ADGRV1: variants seen among roughly 807,000 people sequenced by gnomAD.
ADGRV1 encodes the protein adhesion G protein-coupled receptor V1.
A neutral mutation model predicts 596.2 loss-of-function variants in ADGRV1; 359 were observed. The ratio of observed to expected loss-of-function variants is 0.60; its 90% confidence interval spans 0.55 to 0.66. The LOEUF (loss-of-function observed/expected upper bound fraction) is 0.66. Among genes scored for constraint, ADGRV1 ranks in the 30% least tolerant of loss-of-function variants. The pLI, the probability that ADGRV1 is intolerant of heterozygous loss-of-function variation, is 0.00. For synonymous variants in ADGRV1, 2,681 were observed against 2,679.2 expected (o/e 1.00, Z -0.02); for missense variants, 7,274 against 7,575.6 (o/e 0.96, Z 1.48).
chr5:90,562,093 C>G (rs900578951), intron 1 of ADGRV1, among the ~76,000 whole-genome samples: 1 of 152,092 alleles, frequency 6.6e-6, no homozygotes, highest in African/African-American at 2.4e-5. Context: ...TAACTCCTGT[C>G]GAATCAGGGT....
intron 85 of ADGRV1, among the ~76,000 whole-genome samples, chr5:91,059,903 A>G (rs1221491620): frequency 1.3e-5 from 2 of 152,182 alleles, no homozygotes; most frequent in African/African-American, 4.8e-5. Context: ...ATACTAATTA[A>G]TAGTAACATC....
At chr5:90,693,722 G>T (rs1406639531) in intron 32 of ADGRV1, among the ~76,000 whole-genome samples, 168 bp from the exon 33 acceptor site, 1 of 152,194 alleles carries the variant, frequency 6.6e-6, no homozygotes, top group Non-Finnish European at 1.5e-5. Context: ...CCTCACAGGA[G>T]AAAACAAAAT....
chr5:90,723,401 G>A (rs2149788495), intron 45 of ADGRV1, among the ~76,000 whole-genome samples: 1 of 152,232 alleles, frequency 6.6e-6, no homozygotes, highest in African/African-American at 2.4e-5. Flanking sequence ...AAGCTGAGAT[G>A]GGATCCAAAA....
chr5:90,567,985 G>A (rs986703138), intron 1 of ADGRV1, among the ~76,000 whole-genome samples: 9 of 152,024 alleles, frequency 5.9e-5, no homozygotes, highest in Non-Finnish European at 1.2e-4. Flanking sequence ...TGATCCACCC[G>A]CCTCGGCCTC....
intron 84 of ADGRV1, among the ~76,000 whole-genome samples, chr5:90,971,631 CT>C (rs1779007467): frequency 6.6e-6 from 1 of 152,170 alleles, no homozygotes; most frequent in African/African-American, 2.4e-5. Flanking sequence ...AAATAAAATC[CT>C]TTACAGACAA....
At chr5:91,029,874 A>G (rs1205055677) in intron 85 of ADGRV1, among the ~76,000 whole-genome samples, 1 of 152,158 alleles carries the variant, frequency 6.6e-6, no homozygotes, top group East Asian at 1.9e-4. Context: ...AATCACCTAC[A>G]GTATTTCAAT....
chr5:90,696,407 C>T (rs1327455354), intron 33 of ADGRV1, among the ~76,000 whole-genome samples: 2 of 152,126 alleles, frequency 1.3e-5, no homozygotes, highest in Admixed American at 6.6e-5. Context: ...AAAGATGCAT[C>T]TCATTTAGGC....
intron 55 of ADGRV1, among the ~76,000 whole-genome samples, chr5:90,755,555 T>G (rs1244058381): frequency 6.6e-6 from 1 of 151,944 alleles, no homozygotes; most frequent in Non-Finnish European, 1.5e-5. Flanking sequence ...TATTATTCAT[T>G]TAATAGGACA....
At chr5:90,821,674 C>A (rs1267710525) in intron 75 of ADGRV1, among the ~76,000 whole-genome samples, 2 of 151,642 alleles carry the variant, frequency 1.3e-5, no homozygotes, top group African/African-American at 2.4e-5. Context: ...AATAGCCTGC[C>A]GTGTGAGGTG....
In ADGRV1 at chr5:90,625,174, T is replaced by G. The variant is rs1359255104; in HGVS notation, c.603T>G (p.Val201=). The part of the protein sequence containing the change: ...PNPPDEDLSP[V]KGNITFPPGR... ...CCCCTGATGAAGATTTGAGTCCAGTTAAAGGAAATATCACCTTTCCCCCTG... is the reference window on the plus strand; with the variant it reads ...CCCCTGATGAAGATTTGAGTCCAGTGAAAGGAAATATCACCTTTCCCCCTG... The change falls in exon 6 of 90, where the codon GTT becomes GTG. Residue 201 remains valine, a synonymous_variant. Coordinates refer to ENST00000405460, the MANE Select transcript of ADGRV1 (RefSeq NM_032119.4). 1 of 1,613,610 alleles carries G rather than the reference T, an allele frequency of 6.2e-7. No homozygotes were observed. Among genetic ancestry groups the G allele is most frequent in the Non-Finnish European group, 8.5e-7 (1 of 1,179,686 alleles).
intron 85 of ADGRV1, among the ~76,000 whole-genome samples, chr5:91,038,774 A>G (rs1785106471): frequency 6.6e-6 from 1 of 152,208 alleles, no homozygotes; most frequent in Admixed American, 6.5e-5. Flanking sequence ...CAGATAAAAG[A>G]TGAGCTGTAG....
In ADGRV1 at chr5:90,871,307, G is replaced by A. The variant is rs186016357; in HGVS notation, c.17856+7450G>A. On this transcript the variant is annotated intron_variant, in intron 83 of 89. Coordinates refer to ENST00000405460, the MANE Select transcript of ADGRV1 (RefSeq NM_032119.4). ...TATTTTTGCTTTCTTTTTATTTAAG[G>A]CTACATTTTCCTTTATGTATCAAAT... 2.6e-5 allele frequency among the ~76,000 whole-genome samples: 4 copies of A among 152,074 alleles called. No homozygotes were observed. In the East Asian group the frequency reaches 5.8e-4, roughly 22 times the overall value.
At chr5:90,757,748 G>A (rs892695320) in intron 57 of ADGRV1, among the ~76,000 whole-genome samples, 3 of 152,070 alleles carry the variant, frequency 2.0e-5, no homozygotes, top group African/African-American at 7.2e-5. Flanking sequence ...TGTAAACTTG[G>A]CATTTTGTAA....
rs747207994 is a variant in ADGRV1 at position 90,840,831 on chromosome 5, A to G, written c.16865A>G (p.Asp5622Gly). 6.8e-6 allele frequency: 11 copies of G among 1,613,636 alleles called. No individual in the cohort carries two copies. The highest frequency in any genetic ancestry group is 1.3e-5 in the African/African-American group (1 of 74,932). Residue 5622 changes from aspartate to glycine, a missense_variant, in exon 78 of 90, where the codon GAT (aspartate) becomes GGT (glycine). By Grantham distance (94) the Asp-to-Gly change is moderately conservative (BLOSUM62 -1). Transcript: ENST00000405460. ...ACTGCCAACATCACTCTTGTCTCAG[A>G]TGCAGATTCGCAGGCCATTTGGGGG... ...YGTANITLVS[D>G]ADSQAIWGLA...
At chr5:90,765,853 G>C (rs576722537) in intron 59 of ADGRV1, among the ~76,000 whole-genome samples, 3 of 150,734 alleles carry the variant, frequency 2.0e-5, no homozygotes, top group South Asian at 4.2e-4. Flanking sequence ...ACAGGCATGT[G>C]CCACCATGCC....
chr5:90,923,260 ATAT>A (rs1379772476), intron 83 of ADGRV1, among the ~76,000 whole-genome samples: 3 of 152,186 alleles, frequency 2.0e-5, no homozygotes, highest in Non-Finnish European at 4.4e-5. Flanking sequence ...TCATAAACAA[ATAT>A]TATAGTAAGG....
intron 58 of ADGRV1, chr5:90,762,658 CTCTCTT>C (rs1756633606): frequency 6.6e-6 from 1 of 152,072 alleles, no homozygotes; most frequent in Admixed American, 6.6e-5. Flanking sequence ...ATTGAATCTC[CTCTCTT>C]TATCTCAGAT....
chr5:90,665,166 T>G (rs1203200166), intron 21 of ADGRV1, among the ~76,000 whole-genome samples: 1 of 151,552 alleles, frequency 6.6e-6, no homozygotes, highest in East Asian at 2.0e-4. Context: ...TTCTATTGAT[T>G]GGAATAGTTT....
Position 90,724,419 on chromosome 5 carries a change from C to T in ADGRV1, c.9749-413C>T, listed in dbSNP as rs183825972. ...TGATTTTTGTATTTTTAGTAGAGAA[C>T]GGTTTCACCATGTTGGCCAGGCTGG... On this transcript the variant is annotated intron_variant, in intron 45 of 89. Coordinates refer to ENST00000405460, the MANE Select transcript of ADGRV1 (RefSeq NM_032119.4). Among the ~76,000 whole-genome samples, 5 of 152,042 alleles carry T rather than the reference C, an allele frequency of 3.3e-5. No individual in the cohort carries two copies. In the East Asian group the frequency reaches 7.8e-4, roughly 24 times the overall value.
Sources: allele counts gnomAD v4.1 joint callset (sites outside exome capture counted in the v4.1 genomes callset), GRCh38; gene constraint gnomAD v4.1.1; transcripts MANE v1.5; gene names NCBI Gene and HGNC (gene_info 2026-07-23, HGNC 2026-07-21).